DPP10: variants seen among roughly 807,000 people sequenced by gnomAD.
The protein encoded by DPP10 is dipeptidyl peptidase like 10.
In DPP10, 33 loss-of-function variants were observed where a neutral mutation model predicts 120.9. The observed-to-expected ratio is 0.27, with a 90% CI of 0.21 to 0.37. DPP10 has a LOEUF of 0.37. Ranked by LOEUF, DPP10 falls within the 10% of genes least tolerant of loss-of-function variation. DPP10 has a pLI of 1.00. For synonymous variants in DPP10, 337 were observed against 326.1 expected (o/e 1.03, Z -0.36); for missense variants, 816 against 942.8 (o/e 0.87, Z 1.76).
At chr2:115,478,311 A>G (rs1574964211) in intron 3 of DPP10, among the ~76,000 whole-genome samples, 2 of 152,344 alleles carry the variant, frequency 1.3e-5, no homozygotes, top group South Asian at 2.1e-4. Context: ...TGAGGAAAAG[A>G]CAGTACTTTC....
At chr2:115,477,167 G>T in intron 3 of DPP10, among the ~76,000 whole-genome samples, 1 of 151,992 alleles carries the variant, frequency 6.6e-6, no homozygotes, top group East Asian at 1.9e-4. Context: ...TCTGATCAAG[G>T]AAATTAGCCA....
chr2:114,719,945 CAA>C (rs1558669047), intron 1 of DPP10, among the ~76,000 whole-genome samples: 2 of 152,186 alleles, frequency 1.3e-5, no homozygotes, highest in Admixed American at 6.5e-5. Flanking sequence ...CTGTTTGTGA[CAA>C]AAGTCTGTCA....
chr2:114,855,939 C>T (rs1244071933), intron 1 of DPP10, among the ~76,000 whole-genome samples: 1 of 133,626 alleles, frequency 7.5e-6, no homozygotes, highest in South Asian at 2.8e-4. Context: ...CTTCAGGCAT[C>T]CCTCAGGCTA....
At chr2:114,625,976 T>C (rs570187550) in intron 1 of DPP10, among the ~76,000 whole-genome samples, 1 of 151,710 alleles carries the variant, frequency 6.6e-6, no homozygotes, top group African/African-American at 2.4e-5. Context: ...GGTCTTTACA[T>C]TGACAGAGCA....
At chr2:115,659,406 A>G in intron 5 of DPP10, among the ~76,000 whole-genome samples, 1 of 151,344 alleles carries the variant, frequency 6.6e-6, no homozygotes, top group South Asian at 2.1e-4. Flanking sequence ...AAAGTGACCA[A>G]AAAAAAAAGT....
At chr2:114,468,891 T>A (rs1462119075) in intron 1 of DPP10, among the ~76,000 whole-genome samples, 1 of 152,134 alleles carries the variant, frequency 6.6e-6, no homozygotes, top group Non-Finnish European at 1.5e-5. Flanking sequence ...TTTAACATAA[T>A]CTTTCCATGA....
intron 5 of DPP10, among the ~76,000 whole-genome samples, chr2:115,652,705 G>A (rs948800385): frequency 6.6e-6 from 1 of 151,716 alleles, no homozygotes; most frequent in Admixed American, 6.6e-5. Context: ...GAGAACAGTT[G>A]GGCAGAGAAA....
intron 4 of DPP10, among the ~76,000 whole-genome samples, chr2:115,508,626 C>T (rs567195648): frequency 5.3e-5 from 8 of 152,212 alleles, no homozygotes; most frequent in South Asian, 2.1e-4. Flanking sequence ...GAAGATGAGC[C>T]GGGCTCAATG....
At chr2:114,780,339 T>C (rs547421099) in intron 1 of DPP10, among the ~76,000 whole-genome samples, 5 of 152,254 alleles carry the variant, frequency 3.3e-5, no homozygotes, top group Non-Finnish European at 5.9e-5. Flanking sequence ...CTTATTTTTC[T>C]CATGAAATAT....
intron 2 of DPP10, among the ~76,000 whole-genome samples, chr2:115,335,685 A>G (rs1473525883): frequency 6.6e-6 from 1 of 152,134 alleles, no homozygotes; most frequent in Non-Finnish European, 1.5e-5. Flanking sequence ...TGTGATTTGC[A>G]TTCTGTAGTT....
chr2:114,920,161 T>C lies in DPP10; in HGVS notation c.61-389078T>C, dbSNP rs10175888. ...CGGGAGGGGTGGAGAGGATTGACAG[T>C]GGTTATCTTGGAAACAATCTAGCAC... On this transcript the variant is annotated intron_variant, in intron 1 of 25. Transcript: ENST00000410059. Among the ~76,000 whole-genome samples the C allele has an allele frequency of 9.8e-3, 1,499 of 152,278 alleles. 20 individuals are homozygous for C. The highest frequency in any genetic ancestry group is 0.035 in the African/African-American group (1,445 of 41,556).
chr2:115,194,496 G>T, intron 1 of DPP10, among the ~76,000 whole-genome samples: 1 of 152,154 alleles, frequency 6.6e-6, no homozygotes, highest in East Asian at 1.9e-4. Flanking sequence ...TATTTCTAAG[G>T]CTACGCACTT....
chr2:115,221,754 GTTT>G (rs56077672), intron 1 of DPP10, among the ~76,000 whole-genome samples: 24 of 120,148 alleles, frequency 2.0e-4, no homozygotes, highest in African/African-American at 7.3e-4. Context: ...GTTTGTTTCT[GTTT>G]TTTTTTTTTT....
At chr2:114,594,164 G>A (rs1221041788) in intron 1 of DPP10, among the ~76,000 whole-genome samples, 1 of 151,922 alleles carries the variant, frequency 6.6e-6, no homozygotes, top group Non-Finnish European at 1.5e-5. Context: ...TATAAAGCAG[G>A]CAGAAAAATG....
intron 1 of DPP10, among the ~76,000 whole-genome samples, chr2:114,622,851 C>T (rs1245609661): frequency 6.6e-6 from 1 of 152,092 alleles, no homozygotes; most frequent in Non-Finnish European, 1.5e-5. Flanking sequence ...TGGGCACTAG[C>T]ATTTGCTTGC....
At chr2:114,723,429 C>A (rs1222200731) in intron 1 of DPP10, among the ~76,000 whole-genome samples, 3 of 152,182 alleles carry the variant, frequency 2.0e-5, no homozygotes, top group Non-Finnish European at 4.4e-5. Context: ...ACTATATTAA[C>A]TTCTCTTTGT....
At chr2:115,517,833 A>C (rs1376289694) in intron 4 of DPP10, among the ~76,000 whole-genome samples, 1 of 152,164 alleles carries the variant, frequency 6.6e-6, no homozygotes, top group African/African-American at 2.4e-5. Flanking sequence ...TGTCTTATCT[A>C]CTAGTTCATT....
intron 11 of DPP10, among the ~76,000 whole-genome samples, chr2:115,759,318 G>A (rs1679808149): frequency 6.6e-6 from 1 of 151,656 alleles, no homozygotes; most frequent in African/African-American, 2.4e-5. Context: ...TAGTTATTTG[G>A]GAGGCTGACA....
chr2:115,754,583 C>T (rs1203017278), intron 11 of DPP10, among the ~76,000 whole-genome samples: 1 of 152,120 alleles, frequency 6.6e-6, no homozygotes, highest in African/African-American at 2.4e-5. Flanking sequence ...TCAAGTTCAT[C>T]TGTCTGTAAA....
Sources: gnomAD v4.1 joint callset for allele counts (sites outside exome capture counted in the v4.1 genomes callset) on GRCh38, gnomAD v4.1.1 for gene constraint, MANE v1.5 for transcripts, NCBI Gene and HGNC (gene_info 2026-07-23, HGNC 2026-07-21) for gene names.